Variants in CTNND2 observed in about 807,000 individuals in gnomAD.
CTNND2 encodes the protein catenin delta 2, also known as catenin delta-2.
CTNND2 carries 22 observed loss-of-function variants against 144.4 expected under a neutral mutation model. That is an observed-to-expected ratio of 0.15 (90% CI 0.11 to 0.22). The LOEUF is 0.22. Among genes scored for constraint, CTNND2 ranks in the 10% least tolerant of loss-of-function variants. The pLI is 1.00. For missense variants in CTNND2, 1,353 were observed against 1,618.8 expected, an observed-to-expected ratio of 0.84 and a Z score of 2.82; for synonymous variants, 751 against 695.6, an observed-to-expected ratio of 1.08 and a Z score of -1.25.
intron 1 of CTNND2, among the ~76,000 whole-genome samples, chr5:11,752,297 A>G (rs375342318): frequency 9.9e-4 from 150 of 151,920 alleles, no homozygotes; most frequent in East Asian, 6.6e-3. Context: ...CTGGAATACA[A>G]TTTCCTAGGT....
rs919792340 is a variant in CTNND2, at chr5:11,121,649, C to T, written c.2160-4082G>A. Among the ~76,000 whole-genome samples the T allele has an allele frequency of 3.9e-5, 6 of 152,256 alleles. No homozygotes were observed. The South Asian group carries it at 6.2e-4, about 16-fold the overall frequency. On this transcript the variant is annotated intron_variant, in intron 12 of 21. Transcript: ENST00000304623. Reference sequence around the variant, plus strand: ...TTATTTTAATGCAACTAAACTGCTTCCTTTCCCCTGTCTTCTGTGCTGCTT... The same window carrying T: ...TTATTTTAATGCAACTAAACTGCTTTCTTTCCCCTGTCTTCTGTGCTGCTT...
At chr5:11,279,862 T>C (rs1324347544) in intron 9 of CTNND2, among the ~76,000 whole-genome samples, 1 of 152,070 alleles carries the variant, frequency 6.6e-6, no homozygotes, top group Non-Finnish European at 1.5e-5. Context: ...GTTTTAAATG[T>C]CCAGATCTTG....
At chr5:11,256,173 C>A (rs1001835076) in intron 9 of CTNND2, among the ~76,000 whole-genome samples, 1 of 152,202 alleles carries the variant, frequency 6.6e-6, no homozygotes, top group African/African-American at 2.4e-5. Flanking sequence ...TCCTACCTGG[C>A]AATGCTGGTT....
chr5:11,496,414 G>T (rs1313270656), intron 3 of CTNND2, among the ~76,000 whole-genome samples: 1 of 152,164 alleles, frequency 6.6e-6, no homozygotes, highest in South Asian at 2.1e-4. Context: ...ATGTTTTATT[G>T]TAAGATTTCT....
intron 9 of CTNND2, among the ~76,000 whole-genome samples, chr5:11,317,001 G>A (rs1034002360): frequency 6.6e-6 from 1 of 152,022 alleles, no homozygotes; most frequent in Non-Finnish European, 1.5e-5. Flanking sequence ...ATCAAAAAGT[G>A]GGCCAAGGAT....
At chr5:11,457,956 A>G (rs1020834702) in intron 3 of CTNND2, among the ~76,000 whole-genome samples, 1 of 152,214 alleles carries the variant, frequency 6.6e-6, no homozygotes, top group African/African-American at 2.4e-5. Context: ...TGGGCTCTGA[A>G]GTCTGACCCT....
At chr5:11,817,444 A>G (rs1272080189) in intron 1 of CTNND2, among the ~76,000 whole-genome samples, 1 of 80,396 alleles carries the variant, frequency 1.2e-5, no homozygotes, top group South Asian at 4.5e-4. Context: ...AGAGAGAGAG[A>G]GAGAGAGAGA....
intron 1 of CTNND2, among the ~76,000 whole-genome samples, chr5:11,734,160 G>C (rs1413344020): frequency 6.6e-6 from 1 of 152,186 alleles, no homozygotes; most frequent in African/African-American, 2.4e-5. Context: ...AGAACTTCAA[G>C]TTAATTTCCA....
At chr5:11,636,939 C>A (rs1450380287) in intron 2 of CTNND2, among the ~76,000 whole-genome samples, 1 of 151,842 alleles carries the variant, frequency 6.6e-6, no homozygotes, top group Non-Finnish European at 1.5e-5. Context: ...TTCCAAGGTG[C>A]AGGTGGATTG....
At chr5:11,541,010 T>A (rs748070523) in intron 3 of CTNND2, among the ~76,000 whole-genome samples, 51 of 152,162 alleles carry the variant, frequency 3.4e-4, no homozygotes, top group Non-Finnish European at 6.3e-4. Context: ...AGAAATACCA[T>A]GAGTCAGACT....
intron 8 of CTNND2, among the ~76,000 whole-genome samples, chr5:11,361,556 G>A (rs1052657021): frequency 6.6e-5 from 10 of 152,084 alleles, no homozygotes; most frequent in Non-Finnish European, 5.9e-5. Flanking sequence ...AGCAAGCACC[G>A]AGCATCATAA....
intron 9 of CTNND2, among the ~76,000 whole-genome samples, chr5:11,259,090 G>A (rs1360703343): frequency 6.6e-6 from 1 of 152,186 alleles, no homozygotes; most frequent in Non-Finnish European, 1.5e-5. Flanking sequence ...AAGTCTAGGA[G>A]GTTACCCTTA....
chr5:11,199,843 T>C (rs898555675), intron 10 of CTNND2, among the ~76,000 whole-genome samples, 182 bp from the exon 11 acceptor site: 12 of 152,266 alleles, frequency 7.9e-5, no homozygotes, highest in Non-Finnish European at 2.9e-5. Flanking sequence ...GTATTTGCTT[T>C]AATATCCTAC....
chr5:11,560,433 C>A lies in CTNND2; in HGVS notation c.287+4511G>T, dbSNP rs117182981. Among the ~76,000 whole-genome samples the A allele has an allele frequency of 1.1e-3, 161 of 152,304 alleles. 4 individuals are homozygous for A. In the East Asian group the frequency reaches 0.019, roughly 18 times the overall value. ...TCCAACTGTGATTTGAATTCCATTT[C>A]TCTACCATTATGTTACTGATGCCTA... On this transcript the variant is annotated intron_variant, in intron 3 of 21. Coordinates refer to ENST00000304623, the MANE Select transcript of CTNND2 (RefSeq NM_001332.4).
intron 3 of CTNND2, among the ~76,000 whole-genome samples, chr5:11,554,481 A>T (rs1049390296): frequency 6.6e-6 from 1 of 151,958 alleles, no homozygotes; most frequent in Non-Finnish European, 1.5e-5. Flanking sequence ...ATGTCTAGAC[A>T]CCATTGAATC....
chr5:11,176,379 C>T (rs764251665), intron 11 of CTNND2, among the ~76,000 whole-genome samples: 2 of 151,896 alleles, frequency 1.3e-5, no homozygotes, highest in Non-Finnish European at 2.9e-5. Flanking sequence ...TGTAAAAAGG[C>T]TTTGGAAACA....
At chr5:11,364,978 A>T (rs1756827646) in intron 7 of CTNND2, 88 bp from the exon 8 acceptor site, 6 of 1,164,680 alleles carry the variant, frequency 5.2e-6, no homozygotes, top group Non-Finnish European at 7.3e-6. Flanking sequence ...ATTTTTTTGG[A>T]CAAAATTGTT....
chr5:11,166,633 C>T (rs958107648), intron 11 of CTNND2, among the ~76,000 whole-genome samples: 2 of 151,986 alleles, frequency 1.3e-5, no homozygotes, highest in Admixed American at 6.6e-5. Context: ...GGGCTGTCAC[C>T]ACTACCTCCT....
At chr5:11,770,464 G>GAA (rs201288821) in intron 1 of CTNND2, among the ~76,000 whole-genome samples, 5,821 of 142,920 alleles carry the variant, frequency 0.041, 412 homozygotes, top group African/African-American at 0.14. Flanking sequence ...AGGAAGGAAG[G>GAA]GGTAGGGGTA....
Sources: gnomAD v4.1 joint callset for allele counts (sites outside exome capture counted in the v4.1 genomes callset) on GRCh38, gnomAD v4.1.1 for gene constraint, MANE v1.5 for transcripts, NCBI Gene and HGNC (gene_info 2026-07-23, HGNC 2026-07-21) for gene names.